The following GFRA2 variants were observed in gnomAD, a reference collection of about 807,000 sequenced individuals.
GFRA2 encodes the protein GDNF family receptor alpha 2.
In GFRA2, 17 loss-of-function variants were observed where a neutral mutation model predicts 48.3. The observed-to-expected ratio is 0.35, with a 90% confidence interval of 0.24 to 0.53. The LOEUF (loss-of-function observed/expected upper bound fraction) is 0.53. Among genes scored for constraint, GFRA2 ranks in the 20% least tolerant of loss-of-function variants. The probability of loss-of-function intolerance (pLI) is 0.93; values close to 1 mark genes in which losing one functional copy is unlikely to be tolerated. For synonymous variants in GFRA2, 305 were observed against 257.2 expected (o/e 1.19, Z -1.78); for missense variants, 660 against 637.3 (o/e 1.04, Z -0.38).
intron 2 of GFRA2, among the ~76,000 whole-genome samples, chr8:21,775,574 C>A (rs1585328598): frequency 6.6e-6 from 1 of 152,326 alleles, no homozygotes; most frequent in East Asian, 1.9e-4. Flanking sequence ...GGCCCTCCCA[C>A]CAGCACCCTT....
At chr8:21,722,649 T>C (rs1377439475) in intron 4 of GFRA2, among the ~76,000 whole-genome samples, 1 of 152,140 alleles carries the variant, frequency 6.6e-6, no homozygotes, top group Non-Finnish European at 1.5e-5. Flanking sequence ...ACGAAGGCCC[T>C]GCCACTCCAA....
intron 1 of GFRA2, among the ~76,000 whole-genome samples, chr8:21,805,299 T>C (rs969381738): frequency 6.6e-6 from 1 of 152,182 alleles, no homozygotes; most frequent in African/African-American, 2.4e-5. Context: ...TATACTCTAG[T>C]TGGTTTGCTG....
Position 21,798,070 on chromosome 8 carries a change from A to G in GFRA2, c.-36+6947T>C, listed in dbSNP as rs375478492. Among the ~76,000 whole-genome samples, 143 of 152,252 alleles carry G rather than the reference A, an allele frequency of 9.4e-4. 3 individuals carry two copies. In the East Asian group the frequency reaches 0.024, roughly 26 times the overall value. On this transcript the variant is annotated intron_variant, in intron 2 of 10. Coordinates refer to the GFRA2 transcript ENST00000517328. ...ATGGGACATTCCCAGGGGTACAGGC[A>G]CCTGCTGCCTCCCCACTACAAAAGG... is the stretch of plus-strand genomic sequence containing the variant.
chr8:21,785,588 G>A (rs907630971), intron 1 of GFRA2, among the ~76,000 whole-genome samples: 24 of 152,152 alleles, frequency 1.6e-4, no homozygotes, highest in Non-Finnish European at 3.2e-4. Context: ...GTGGAGAAGC[G>A]ACACAGGGCT....
At chr8:21,704,514 G>A (rs1050514007) in intron 6 of GFRA2, among the ~76,000 whole-genome samples, 1 of 152,210 alleles carries the variant, frequency 6.6e-6, no homozygotes. Flanking sequence ...ATCTTCAGGT[G>A]GGCATGGATG....
intron 4 of GFRA2, among the ~76,000 whole-genome samples, chr8:21,724,740 T>A (rs937744098): frequency 6.6e-5 from 10 of 152,094 alleles, no homozygotes; most frequent in South Asian, 2.1e-4. Flanking sequence ...AATAATCCCA[T>A]CCCAGGAGCA....
At chr8:21,702,694 G>T in intron 7 of GFRA2, 111 bp downstream of exon 7, 3 of 1,097,692 alleles carry the variant, frequency 2.7e-6, no homozygotes, top group Admixed American at 3.2e-5. Context: ...CCTGCCTCTT[G>T]GGTCCCTGAT....
intron 1 of GFRA2, among the ~76,000 whole-genome samples, chr8:21,806,556 C>G (rs1175197750): frequency 6.6e-6 from 1 of 152,190 alleles, no homozygotes; most frequent in Non-Finnish European, 1.5e-5. Context: ...GCCCAGGACC[C>G]CGGACTCAAG....
intron 3 of GFRA2, among the ~76,000 whole-genome samples, chr8:21,767,803 G>C (rs1806251338): frequency 6.6e-6 from 1 of 152,168 alleles, no homozygotes; most frequent in African/African-American, 2.4e-5. Flanking sequence ...TTGTGGGAGG[G>C]GGCACTAAAT....
rs765625029 is a variant in GFRA2 at position 21,706,047 on chromosome 8, G to A, written c.795-6C>T. ...GGAAGTCGGCCAGCCGGGACCTGGT[G>A]GTGGGTAGAAGACGCAATAGAGAAA... On this transcript the variant is annotated splice_polypyrimidine_tract_variant and splice_region_variant and intron_variant, in intron 4 of 8. Coordinates refer to ENST00000524240, the MANE Select transcript of GFRA2 (RefSeq NM_001495.5). The A allele has an allele frequency of 5.2e-6, 8 of 1,550,436 alleles. No individual in the cohort carries two copies. The highest frequency in any genetic ancestry group is 3.6e-5 in the South Asian group (3 of 84,324).
chr8:21,720,196 G>T (rs1195839114), intron 4 of GFRA2, among the ~76,000 whole-genome samples: 1 of 152,202 alleles, frequency 6.6e-6, no homozygotes, highest in Admixed American at 6.5e-5. Flanking sequence ...AGAGATGAAT[G>T]CTTGGCCTAA....
Position 21,710,538 on chromosome 8 carries a change from C to T in GFRA2, c.795-4497G>A, listed in dbSNP as rs77257875. Reference sequence around the variant, plus strand: ...TGGAAACCAGGGCCTCCTGACCCCACCGTCCTTCTCCATGCCATGCTGGGG... The same window carrying T: ...TGGAAACCAGGGCCTCCTGACCCCATCGTCCTTCTCCATGCCATGCTGGGG... On this transcript the variant is annotated intron_variant, in intron 4 of 8. Transcript: ENST00000524240. 5.4e-3 allele frequency among the ~76,000 whole-genome samples: 818 copies of T among 152,328 alleles called. 3 individuals carry two copies. Among genetic ancestry groups the T allele is most frequent in the Non-Finnish European group, 8.8e-3 (599 of 68,028 alleles).
intron 3 of GFRA2, among the ~76,000 whole-genome samples, chr8:21,760,355 C>A (rs2117641961): frequency 1.3e-5 from 2 of 152,216 alleles, no homozygotes; most frequent in Admixed American, 1.3e-4. Flanking sequence ...CTAGTGGAGG[C>A]TGGGGTGGGG....
intron 3 of GFRA2, among the ~76,000 whole-genome samples, chr8:21,766,630 C>T (rs1019366209): frequency 3.3e-5 from 5 of 151,020 alleles, no homozygotes; most frequent in Non-Finnish European, 5.9e-5. Context: ...TGCCCCTCCC[C>T]CTTGAGCCCC....
chr8:21,791,271 G>C (rs747327568), upstream of GFRA2, among the ~76,000 whole-genome samples: 1 of 152,172 alleles, frequency 6.6e-6, no homozygotes, highest in Admixed American at 6.5e-5. Flanking sequence ...TCCCACGGGA[G>C]TAGGAAAGAG....
At chr8:21,746,617 G>T (rs1173538546) in intron 4 of GFRA2, among the ~76,000 whole-genome samples, 1 of 151,968 alleles carries the variant, frequency 6.6e-6, no homozygotes, top group Non-Finnish European at 1.5e-5. Context: ...ATTTCCCAGT[G>T]CAAGAAGCTC....
In GFRA2 at chr8:21,750,010, T is replaced by C. The variant is rs1175627156; in HGVS notation, c.794+578A>G. On this transcript the variant is annotated intron_variant, in intron 4 of 8. Coordinates refer to ENST00000524240, the MANE Select transcript of GFRA2 (RefSeq NM_001495.5). This position sits in a 1 kb window ranked among gnomAD's most constrained non-coding sequence, Gnocchi z 5.7. The stretch of plus-strand genomic sequence containing the variant: ...GGAAGGTAGTTTTGGGGGGTATGCA[T>C]GGTTATACTGAGCTGAAATTTAGCT... Among the ~76,000 whole-genome samples the C allele has an allele frequency of 6.6e-6, 1 of 151,944 alleles. No homozygotes were observed. Among genetic ancestry groups the C allele is most frequent in the Non-Finnish European group, 1.5e-5 (1 of 67,984 alleles).
intron 4 of GFRA2, among the ~76,000 whole-genome samples, chr8:21,728,674 C>G (rs1166859544): frequency 6.6e-6 from 1 of 152,172 alleles, no homozygotes; most frequent in African/African-American, 2.4e-5. Flanking sequence ...ATGCAGCCCT[C>G]AGAATAGGCC....
intron 1 of GFRA2, among the ~76,000 whole-genome samples, chr8:21,809,194 C>T (rs1339019775): frequency 6.6e-6 from 1 of 152,146 alleles, no homozygotes; most frequent in African/African-American, 2.4e-5. Flanking sequence ...TCCTGTTTGT[C>T]GCTGGCTGCT....
Sources: gnomAD v4.1 joint callset for allele counts (sites outside exome capture counted in the v4.1 genomes callset) on GRCh38, gnomAD v4.1.1 for gene constraint, Gnocchi (gnomAD v3.1) non-coding constraint, MANE v1.5 for transcripts, NCBI Gene and HGNC (gene_info 2026-07-23, HGNC 2026-07-21) for gene names.